RAB3IP: variants seen among roughly 807,000 people sequenced by gnomAD.
RAB3IP encodes RAB3A interacting protein.
In RAB3IP, 36 loss-of-function variants were observed where a neutral mutation model predicts 59.1. That is an observed-to-expected ratio of 0.61 (90% CI 0.47 to 0.80). RAB3IP has a LOEUF of 0.80. RAB3IP is among the 30% of genes least tolerant of loss of function. The pLI, the probability that RAB3IP is intolerant of heterozygous loss-of-function variation, is 0.00. For synonymous variants in RAB3IP, 207 were observed against 191.2 expected, an observed-to-expected ratio of 1.08 and a Z score of -0.68; for missense variants, 511 against 536.0, an observed-to-expected ratio of 0.95 and a Z score of 0.46.
At chr12:69,755,071 T>C (rs527721075) in intron 1 of RAB3IP, among the ~76,000 whole-genome samples, 46 of 152,200 alleles carry the variant, frequency 3.0e-4, no homozygotes, top group African/African-American at 9.9e-4. Flanking sequence ...GTGATTGTGG[T>C]GTTTTGTTTT....
rs115695303 is a variant in RAB3IP, at chr12:69,773,246, G to C, written c.511-11474G>C. Among the ~76,000 whole-genome samples, 173 of 152,012 alleles carry C rather than the reference G, an allele frequency of 1.1e-3. 1 individual carries two copies. Among genetic ancestry groups the C allele is most frequent in the African/African-American group, 4.1e-3 (169 of 41,494 alleles). ...TCCCCTCCTTGTCTTTGATCTTTGA[G>C]AGCTTGATTATAATATGCCTTGGGG... On this transcript the variant is annotated intron_variant, in intron 3 of 10. Transcript: ENST00000247833.
intron 3 of RAB3IP, among the ~76,000 whole-genome samples, chr12:69,766,821 C>T (rs913245479): frequency 1.6e-4 from 24 of 152,108 alleles, no homozygotes; most frequent in Admixed American, 3.9e-4. Context: ...CCACCATGCC[C>T]GGTGCAGAAC....
At chr12:69,802,062 G>C (rs7965134) in intron 8 of RAB3IP, among the ~76,000 whole-genome samples, 1 of 150,346 alleles carries the variant, frequency 6.7e-6, no homozygotes, top group Non-Finnish European at 1.5e-5. Context: ...GATAGAAACC[G>C]GAGTTGTTTT....
intron 8 of RAB3IP, among the ~76,000 whole-genome samples, chr12:69,803,522 G>C (rs187544409): frequency 6.6e-6 from 1 of 151,874 alleles, no homozygotes; most frequent in Admixed American, 6.6e-5. Context: ...TATACTTTAA[G>C]TTTTAAGGTA....
chr12:69,794,054 T>C (rs1877061362), intron 4 of RAB3IP, among the ~76,000 whole-genome samples: 1 of 152,200 alleles, frequency 6.6e-6, no homozygotes, highest in Non-Finnish European at 1.5e-5. Context: ...TTTTTACTTG[T>C]CCCTCCTGTA....
chr12:69,786,805 C>T (rs575611062), intron 4 of RAB3IP, among the ~76,000 whole-genome samples: 1 of 115,524 alleles, frequency 8.7e-6, no homozygotes, highest in South Asian at 2.9e-4. Context: ...AGGCAATAGG[C>T]AATAAGTGAA....
At chr12:69,770,814 A>T (rs1340807695) in intron 3 of RAB3IP, among the ~76,000 whole-genome samples, 1 of 152,210 alleles carries the variant, frequency 6.6e-6, no homozygotes, top group Non-Finnish European at 1.5e-5. Flanking sequence ...ATAATGATCA[A>T]ATCAGACTAA....
chr12:69,798,175 T>C (rs917194063), intron 6 of RAB3IP, among the ~76,000 whole-genome samples: 3 of 152,206 alleles, frequency 2.0e-5, no homozygotes, highest in Non-Finnish European at 4.4e-5. Context: ...CTACATCCTC[T>C]CCAGCACCTG....
chr12:69,760,215 C>CA (rs1331010490), intron 3 of RAB3IP, among the ~76,000 whole-genome samples: 2 of 152,158 alleles, frequency 1.3e-5, no homozygotes, highest in Admixed American at 6.5e-5. Flanking sequence ...CCGTCTCCAC[C>CA]AAAAAAATAC....
intron 6 of RAB3IP, among the ~76,000 whole-genome samples, chr12:69,798,973 T>A (rs567825630): frequency 6.6e-6 from 1 of 152,302 alleles, no homozygotes; most frequent in Admixed American, 6.5e-5. Flanking sequence ...AGAGTCTTAT[T>A]TAGAAGATAA....
At chr12:69,760,801 G>C (rs773316421) in intron 3 of RAB3IP, among the ~76,000 whole-genome samples, 1 of 152,048 alleles carries the variant, frequency 6.6e-6, no homozygotes, top group Non-Finnish European at 1.5e-5. Context: ...CTGCGTATTA[G>C]GTCTTTTCTC....
At chr12:69,779,153 A>G (rs1383078042) in intron 3 of RAB3IP, 1 of 136,132 alleles carries the variant, frequency 7.3e-6, no homozygotes, top group Non-Finnish European at 1.6e-5. Flanking sequence ...AAAGCGCAAT[A>G]TTCGGATGGG....
At chr12:69,763,078 A>AT (rs1344753535) in intron 3 of RAB3IP, among the ~76,000 whole-genome samples, 1 of 152,240 alleles carries the variant, frequency 6.6e-6, no homozygotes, top group Non-Finnish European at 1.5e-5. Flanking sequence ...GGTGCTGGGA[A>AT]TTTAACCATG....
At chr12:69,770,118 A>G (rs1242253482) in intron 3 of RAB3IP, among the ~76,000 whole-genome samples, 1 of 152,224 alleles carries the variant, frequency 6.6e-6, no homozygotes. Context: ...TAAAAATTCC[A>G]GTTGGAAAAA....
intron 6 of RAB3IP, among the ~76,000 whole-genome samples, chr12:69,799,843 C>G (rs1360607128): frequency 2.0e-5 from 3 of 152,000 alleles, no homozygotes; most frequent in Non-Finnish European, 4.4e-5. Flanking sequence ...TAGTGTGCCA[C>G]CTGTGTCTTA....
chr12:69,778,320 A>AT (rs1465510593), intron 3 of RAB3IP, among the ~76,000 whole-genome samples: 1 of 12,968 alleles, frequency 7.7e-5, no homozygotes, highest in Admixed American at 9.7e-4. Context: ...ATTCTTCTAA[A>AT]TTTTTTTCAA....
Position 69,801,648 on chromosome 12 carries a change from C to G in RAB3IP, c.1057C>G (p.Leu353Val), listed in dbSNP as rs763550047. The stretch of plus-strand genomic sequence containing the variant: ...TCTGGAGGCTGTGGAAAACAATACT[C>G]TAAGCATTGAACCAGTGGGATTACA... ...AVLEAVENNT[L>V]SIEPVGLQPI... is the part of the protein sequence containing the mutation. The change falls in exon 8 of 11, where the codon CTA becomes GTA. Residue 353 changes from leucine (L) to valine (V), a missense_variant. By Grantham distance (32) the Leu-to-Val change is conservative (BLOSUM62 1). Coordinates refer to ENST00000247833, the MANE Select transcript of RAB3IP (RefSeq NM_022456.5). 2.5e-6 allele frequency: 4 copies of G among 1,612,550 alleles called. No homozygotes were observed. In the African/African-American group the frequency reaches 4.0e-5, roughly 16 times the overall value.
At chr12:69,800,004 GT>G (rs1396040411) in intron 6 of RAB3IP, among the ~76,000 whole-genome samples, 1 of 145,708 alleles carries the variant, frequency 6.9e-6, no homozygotes. Context: ...CTGCTACCAG[GT>G]ATTATGCTAC....
Position 69,821,712 on chromosome 12 carries a change from G to A in RAB3IP, c.*6266G>A, listed in dbSNP as rs962919906. ...AAGCTGCTCTTTTTTAAAATGTGCC[G>A]TTTCGACAACACTGAGCCCACAGTC... On this transcript the variant is annotated 3_prime_UTR_variant, in exon 11 of 11. Coordinates refer to ENST00000247833, the MANE Select transcript of RAB3IP (RefSeq NM_022456.5). 2.6e-5 allele frequency: 4 copies of A among 152,172 alleles called. No individual in the cohort carries two copies. Among genetic ancestry groups the A allele is most frequent in the Non-Finnish European group, 5.9e-5 (4 of 68,044 alleles). The allele number at this position is 152,172 out of a possible 1,614,324, so 9.4% of individuals were successfully genotyped here. A position where few individuals can be genotyped will look rare whatever the true frequency, so the allele number is the denominator to read the frequency against.
Sources: allele counts gnomAD v4.1 joint callset (sites outside exome capture counted in the v4.1 genomes callset), GRCh38; gene constraint gnomAD v4.1.1; transcripts MANE v1.5; gene names NCBI Gene and HGNC (gene_info 2026-07-23, HGNC 2026-07-21).